EYA2: variants seen among roughly 807,000 people sequenced by gnomAD.
EYA2 encodes the protein protein phosphatase EYA2.
Under a neutral mutation model 69.2 loss-of-function variants are expected in EYA2, and 31 were observed. That is an observed-to-expected ratio of 0.45 (90% CI 0.34 to 0.60). EYA2 has a LOEUF of 0.60. EYA2 is among the 20% of genes least tolerant of loss of function. The pLI is 0.02. For synonymous variants in EYA2, 257 were observed against 279.4 expected (o/e 0.92, Z 0.80); for missense variants, 622 against 701.2 (o/e 0.89, Z 1.28).
chr20:47,053,946 G>A (rs78545052), intron 5 of EYA2, among the ~76,000 whole-genome samples: 2,647 of 151,978 alleles, frequency 0.017, 59 homozygotes, highest in African/African-American at 0.06. Flanking sequence ...ATCCCAGCTC[G>A]GAACCTTACT....
chr20:47,026,786 G>T (rs1049222370), intron 5 of EYA2, among the ~76,000 whole-genome samples: 5 of 152,194 alleles, frequency 3.3e-5, no homozygotes, highest in Non-Finnish European at 5.9e-5. Context: ...GGATAGTGGG[G>T]TGTTACTTGG....
chr20:47,103,644 G>A (rs1411255206), intron 9 of EYA2, among the ~76,000 whole-genome samples: 2 of 152,024 alleles, frequency 1.3e-5, no homozygotes, highest in African/African-American at 2.4e-5. Context: ...CTTGTAAAAC[G>A]ATCAGACATA....
chr20:46,946,661 C>T (rs1176112661), intron 1 of EYA2, among the ~76,000 whole-genome samples: 1 of 151,268 alleles, frequency 6.6e-6, no homozygotes, highest in Non-Finnish European at 1.5e-5. Flanking sequence ...CTACTCAACT[C>T]TGCTCTTATC....
intron 5 of EYA2, among the ~76,000 whole-genome samples, chr20:47,023,992 G>A (rs1201792789): frequency 1.3e-5 from 2 of 151,988 alleles, no homozygotes; most frequent in Non-Finnish European, 2.9e-5. Flanking sequence ...CTTTCTTCTG[G>A]CTTCTTGAAC....
intron 9 of EYA2, among the ~76,000 whole-genome samples, chr20:47,139,054 T>C (rs1344697050): frequency 6.6e-6 from 1 of 152,242 alleles, no homozygotes; most frequent in Non-Finnish European, 1.5e-5. Context: ...TTTCCTTCCA[T>C]TGAAATTTCA....
At chr20:47,091,576 CA>C (rs11313572) in intron 8 of EYA2, among the ~76,000 whole-genome samples, 34,684 of 83,224 alleles carry the variant, frequency 0.42, 5,142 homozygotes, top group South Asian at 0.56. Flanking sequence ...CCATCTCTAC[CA>C]AAAAAAAAAA....
intron 1 of EYA2, among the ~76,000 whole-genome samples, chr20:46,989,232 C>T (rs538658798): frequency 3.9e-5 from 6 of 152,072 alleles, no homozygotes; most frequent in Non-Finnish European, 5.9e-5. Flanking sequence ...ATGACACTTA[C>T]GCCTTTTGAG....
At chr20:47,173,588 A>G (rs7509016) in intron 12 of EYA2, among the ~76,000 whole-genome samples, 108 of 150,544 alleles carry the variant, frequency 7.2e-4, no homozygotes, top group Non-Finnish European at 1.3e-3. Context: ...GCTTTAAAAA[A>G]TTTTTTTTTA....
intron 1 of EYA2, among the ~76,000 whole-genome samples, chr20:46,939,447 A>AT (rs1304808684): frequency 6.6e-6 from 1 of 151,620 alleles, no homozygotes; most frequent in South Asian, 2.1e-4. Flanking sequence ...TTATTTTTTT[A>AT]TTTTTTTTCA....
intron 5 of EYA2, among the ~76,000 whole-genome samples, chr20:47,033,767 C>A (rs548950598): frequency 2.2e-4 from 34 of 152,198 alleles, no homozygotes; most frequent in Non-Finnish European, 4.7e-4. Context: ...AACTGGTGCC[C>A]TTGAGTGACT....
In EYA2 at chr20:47,107,220, G is replaced by T. The variant is rs548421623; in HGVS notation, c.888+10052G>T. Among the ~76,000 whole-genome samples the T allele has an allele frequency of 6.6e-5, 10 of 152,186 alleles. No individual in the cohort carries two copies. In the East Asian group the frequency reaches 9.7e-4, roughly 15 times the overall value. ...TTGGGGAGAGGAAGGAAGATGATAA[G>T]CAAGACACATAGAAATGCAAGTGGC... is the stretch of plus-strand genomic sequence containing the variant. On this transcript the variant is annotated intron_variant, in intron 9 of 15. Transcript: ENST00000327619.
At chr20:46,923,463 G>A (rs1985272924) in intron 1 of EYA2, among the ~76,000 whole-genome samples, 1 of 152,212 alleles carries the variant, frequency 6.6e-6, no homozygotes, top group East Asian at 1.9e-4. Flanking sequence ...AGATAGAGGG[G>A]GAGATGTGAT....
chr20:47,128,854 G>C (rs1037163442), intron 9 of EYA2, among the ~76,000 whole-genome samples: 1 of 152,212 alleles, frequency 6.6e-6, no homozygotes, highest in African/African-American at 2.4e-5. Context: ...CAGGCACGGT[G>C]GCTCATGCCC....
intron 5 of EYA2, among the ~76,000 whole-genome samples, chr20:47,049,860 A>ACCCCCCCC (rs57648069): frequency 2.5e-4 from 31 of 126,292 alleles, no homozygotes; most frequent in South Asian, 5.4e-4. Flanking sequence ...TCTGTGACAG[A>ACCCCCCCC]CCCCCCCCCC....
rs1276400491 is a variant in EYA2 at position 47,111,966 on chromosome 20, CA to C, written c.888+14807del. Among the ~76,000 whole-genome samples, 883 of 151,220 alleles carry C rather than the reference CA, an allele frequency of 5.8e-3. 9 individuals are homozygous for C. Among genetic ancestry groups the C allele is most frequent in the African/African-American group, 0.02 (845 of 41,282 alleles). On this transcript the variant is annotated intron_variant, in intron 9 of 15. Transcript: ENST00000327619. ...GCAAAACAGCAAAATCCCATCTGTA[CA>C]AAAAAAAATTTTTTTTTCAAAAAAT...
chr20:46,960,513 G>T (rs1023280854), intron 1 of EYA2, among the ~76,000 whole-genome samples: 4 of 152,124 alleles, frequency 2.6e-5, no homozygotes, highest in African/African-American at 7.2e-5. Context: ...TGAGGAAACC[G>T]AGGCACAGCA....
intron 5 of EYA2, among the ~76,000 whole-genome samples, chr20:47,060,253 C>T (rs535747394): frequency 2.0e-4 from 30 of 152,324 alleles, no homozygotes; most frequent in African/African-American, 6.5e-4. Flanking sequence ...CCCCAAGGTT[C>T]GTTTGGCATC....
At chr20:47,013,743 T>C (rs1356721394) in intron 4 of EYA2, among the ~76,000 whole-genome samples, 1 of 152,220 alleles carries the variant, frequency 6.6e-6, no homozygotes, top group African/African-American at 2.4e-5. Context: ...TGGGGGTCAC[T>C]GCAGAGTTTA....
intron 5 of EYA2, among the ~76,000 whole-genome samples, chr20:47,035,772 C>T (rs564277742): frequency 1.3e-5 from 2 of 151,454 alleles, no homozygotes; most frequent in East Asian, 2.0e-4. Flanking sequence ...CTTTGGGAAA[C>T]GGAGGCAGGA....
Sources: gnomAD v4.1 joint callset for allele counts (sites outside exome capture counted in the v4.1 genomes callset) on GRCh38, gnomAD v4.1.1 for gene constraint, MANE v1.5 for transcripts, NCBI Gene and HGNC (gene_info 2026-07-23, HGNC 2026-07-21) for gene names.